Variants in DPP6 observed in about 807,000 individuals in gnomAD.
DPP6 encodes dipeptidyl peptidase like 6.
DPP6 carries 69 observed loss-of-function variants against 122.6 expected under a neutral mutation model. That is an observed-to-expected ratio of 0.56 (90% CI 0.46 to 0.69). The LOEUF is 0.69. DPP6 is among the 30% of genes least tolerant of loss of function. The pLI is 0.00. For missense variants in DPP6, 928 were observed against 1,116.9 expected (o/e 0.83, Z 2.41); for synonymous variants, 418 against 433.1 (o/e 0.97, Z 0.43).
chr7:154,838,582 CAGG>C (rs1402431775), intron 16 of DPP6: 1 of 152,214 alleles, frequency 6.6e-6, no homozygotes, highest in Non-Finnish European at 1.5e-5. Context: ...GCAAGATGCC[CAGG>C]ACCGCAGCGG....
At chr7:153,878,665 ATCTTGTATG>A in the DPP6 span, among the ~76,000 whole-genome samples, 1 of 152,146 alleles carries the variant, frequency 6.6e-6, no homozygotes, top group Non-Finnish European at 1.5e-5. Context: ...GACACCGCTT[ATCTTGTATG>A]TCTTCATCTG....
chr7:153,803,804 T>C, the DPP6 span, among the ~76,000 whole-genome samples: 189 of 150,386 alleles, frequency 1.3e-3, 1 homozygote, highest in Middle Eastern at 0.01. Context: ...TAAGGATATA[T>C]ATGTATATAT....
At chr7:154,195,284 T>C (rs546766701) in intron 1 of DPP6, among the ~76,000 whole-genome samples, 8 of 152,318 alleles carry the variant, frequency 5.3e-5, no homozygotes, top group African/African-American at 1.7e-4. Context: ...GTGATATAAA[T>C]GACTTGCAAA....
chr7:153,994,797 G>A lies in DPP6; in HGVS notation c.51+107063G>A, dbSNP rs188260885. Among the ~76,000 whole-genome samples, 170 of 152,132 alleles carry A rather than the reference G, an allele frequency of 1.1e-3. 1 individual carries two copies. The highest frequency in any genetic ancestry group is 4.0e-3 in the African/African-American group (164 of 41,426). ...TATAAATTAAGTTTACTCTTGTAGTGCCTATGAAAGACTAAAATTATGCTG... is the reference window on the plus strand; with the variant it reads ...TATAAATTAAGTTTACTCTTGTAGTACCTATGAAAGACTAAAATTATGCTG... On this transcript the variant is annotated intron_variant, in intron 1 of 25. Transcript: ENST00000404039.
chr7:154,071,696 C>T (rs576637038), intron 1 of DPP6, among the ~76,000 whole-genome samples: 6 of 152,282 alleles, frequency 3.9e-5, no homozygotes, highest in East Asian at 3.9e-4. Context: ...CATTTTTCTC[C>T]GCTAAAAACA....
In DPP6 at chr7:153,997,203, C is replaced by G. The variant is rs900448184; in HGVS notation, c.51+109469C>G. ...AAGGTTAAATTGGAGGGAAACCCCACCATGAAATGCAGTGGCTAGATGCTA... is the reference window on the plus strand; with the variant it reads ...AAGGTTAAATTGGAGGGAAACCCCAGCATGAAATGCAGTGGCTAGATGCTA... On this transcript the variant is annotated intron_variant, in intron 1 of 25. Transcript: ENST00000404039. Among the ~76,000 whole-genome samples, 76 of 152,166 alleles carry G rather than the reference C, an allele frequency of 5.0e-4. 1 individual carries two copies. Among genetic ancestry groups the G allele is most frequent in the African/African-American group, 1.8e-3 (76 of 41,520 alleles).
Position 154,020,067 on chromosome 7 carries a change from G to T in DPP6, c.51+132333G>T, listed in dbSNP as rs552090083. The stretch of plus-strand genomic sequence containing the variant: ...CTCTGGGTGTACAGCAGAGCTGACA[G>T]CCCAGGTTTCAAATAAAACTTTCCA... On this transcript the variant is annotated intron_variant, in intron 1 of 25. Coordinates refer to the DPP6 transcript ENST00000404039. Among the ~76,000 whole-genome samples the T allele has an allele frequency of 7.9e-5, 12 of 152,194 alleles. No homozygotes were observed. In the South Asian group the frequency reaches 1.0e-3, roughly 13 times the overall value.
At chr7:154,840,400 G>A (rs11243320) in intron 16 of DPP6, among the ~76,000 whole-genome samples, 99,814 of 152,080 alleles carry the variant, frequency 0.66, 34,571 homozygotes, top group East Asian at 0.83. Flanking sequence ...GGAAGCGGAA[G>A]CCTTTCCAGT....
chr7:153,973,632 C>CGTGT (rs773321136), intron 1 of DPP6, among the ~76,000 whole-genome samples: 6,612 of 112,984 alleles, frequency 0.059, 245 homozygotes, highest in Non-Finnish European at 0.067. Flanking sequence ...CACCATCGCT[C>CGTGT]GTGTGTGTGT....
At chr7:154,147,777 C>T (rs1479099671) in intron 1 of DPP6, among the ~76,000 whole-genome samples, 1 of 152,098 alleles carries the variant, frequency 6.6e-6, no homozygotes, top group African/African-American at 2.4e-5. Flanking sequence ...CTCCTGATCT[C>T]AGGTGATCCG....
intron 7 of DPP6, among the ~76,000 whole-genome samples, chr7:154,690,347 C>CGGTAAGCAGAACTTAGGAG (rs1839864308): frequency 1.3e-5 from 2 of 152,160 alleles, no homozygotes; most frequent in Non-Finnish European, 2.9e-5. Flanking sequence ...CCAGCAGAGA[C>CGGTAAGCAGAACTTAGGAG]GGTAAGCAGA....
At chr7:154,307,970 C>T (rs1057398652) in intron 1 of DPP6, among the ~76,000 whole-genome samples, 1 of 151,594 alleles carries the variant, frequency 6.6e-6, no homozygotes. Flanking sequence ...CAATGACTGC[C>T]TGCAAATCAC....
intron 1 of DPP6, among the ~76,000 whole-genome samples, chr7:153,903,136 G>A (rs995370637): frequency 2.0e-5 from 3 of 152,190 alleles, no homozygotes; most frequent in African/African-American, 7.2e-5. Flanking sequence ...GGTGCTTGAT[G>A]GAACTATTCC....
At chr7:154,138,413 G>C (rs905793988) in intron 1 of DPP6, among the ~76,000 whole-genome samples, 2 of 152,218 alleles carry the variant, frequency 1.3e-5, no homozygotes, top group African/African-American at 2.4e-5. Flanking sequence ...AAAGCTTGAG[G>C]AATGCTGGGA....
At chr7:153,754,242 G>C in the DPP6 span, among the ~76,000 whole-genome samples, 1 of 151,788 alleles carries the variant, frequency 6.6e-6, no homozygotes, top group Non-Finnish European at 1.5e-5. Context: ...ATTTTTTTTT[G>C]TGTGTGAAAT....
At chr7:154,803,997 G>C in intron 14 of DPP6, 42 bp downstream of exon 14, 1 of 1,599,212 alleles carries the variant, frequency 6.3e-7, no homozygotes. Flanking sequence ...ACTGGCCAAT[G>C]GGGCACATTT....
chr7:154,723,344 A>G (rs1388605536), intron 7 of DPP6, among the ~76,000 whole-genome samples: 1 of 152,224 alleles, frequency 6.6e-6, no homozygotes, highest in Non-Finnish European at 1.5e-5. Flanking sequence ...CATTAGAAAT[A>G]AAACCAAAGC....
intron 5 of DPP6, among the ~76,000 whole-genome samples, chr7:154,636,366 G>A (rs1028022480): frequency 6.6e-6 from 1 of 152,186 alleles, no homozygotes; most frequent in African/African-American, 2.4e-5. Flanking sequence ...CAGGACACAG[G>A]AGCCAGCACC....
chr7:154,200,044 G>A (rs4548090), intron 1 of DPP6, among the ~76,000 whole-genome samples: 1 of 152,090 alleles, frequency 6.6e-6, no homozygotes, highest in African/African-American at 2.4e-5. Context: ...GGAATTACTC[G>A]GAGCTTTTAA....
Sources: allele counts gnomAD v4.1 joint callset (sites outside exome capture counted in the v4.1 genomes callset), GRCh38; gene constraint gnomAD v4.1.1; transcripts MANE v1.5; gene names NCBI Gene and HGNC (gene_info 2026-07-23, HGNC 2026-07-21).